Variants in ZBTB16 observed in about 807,000 individuals in gnomAD.
ZBTB16 encodes the protein zinc finger and BTB domain containing 16.
ZBTB16 carries 8 observed loss-of-function variants against 56.8 expected under a neutral mutation model. The ratio of observed to expected loss-of-function variants is 0.14; its 90% CI spans 0.08 to 0.25. The LOEUF (loss-of-function observed/expected upper bound fraction) is 0.25. Among genes scored for constraint, ZBTB16 ranks in the 10% least tolerant of loss-of-function variants. The pLI, the probability that ZBTB16 is intolerant of heterozygous loss-of-function variation, is 1.00. For missense variants in ZBTB16, 625 were observed against 903.0 expected, an observed-to-expected ratio of 0.69 and a Z score of 3.95; for synonymous variants, 363 against 368.5, an observed-to-expected ratio of 0.98 and a Z score of 0.17.
In ZBTB16 at chr11:114,059,953, A is replaced by C. The variant is rs984242097; in HGVS notation, c.-91+71A>C. ...GCGCCGGGGCTTCCCGGGGCTGGAG[A>C]GGTCTGGGGGGCGCGCGCTCGCTTC... is the stretch of plus-strand genomic sequence containing the variant. On this transcript the variant is annotated intron_variant, in intron 1 of 6. Coordinates refer to ENST00000335953, the MANE Select transcript of ZBTB16 (RefSeq NM_006006.6). The surrounding 1 kb of genome is among the most constrained non-coding windows in gnomAD (Gnocchi z 5.3). 1.0e-5 allele frequency: 4 copies of C among 391,498 alleles called. No homozygotes were observed. The highest frequency in any genetic ancestry group is 1.4e-4 in the South Asian group (1 of 7,106). The allele number at this position is 391,498 out of a possible 1,614,324, so 24.3% of individuals were successfully genotyped here.
At chr11:114,225,592 C>G (rs1396133424) in intron 4 of ZBTB16, among the ~76,000 whole-genome samples, 1 of 152,142 alleles carries the variant, frequency 6.6e-6, no homozygotes, top group Non-Finnish European at 1.5e-5. Flanking sequence ...GGAACCCACT[C>G]CCTTGAGAAC....
chr11:114,148,416 C>CTCTCT (rs1942180424), intron 2 of ZBTB16, among the ~76,000 whole-genome samples: 1 of 46,154 alleles, frequency 2.2e-5, no homozygotes, highest in African/African-American at 1.3e-4. Flanking sequence ...TCCCTCCCTC[C>CTCTCT]CTCCCTCCCT....
chr11:114,075,274 C>G (rs1591641157), intron 2 of ZBTB16, among the ~76,000 whole-genome samples: 1 of 152,116 alleles, frequency 6.6e-6, no homozygotes, highest in Admixed American at 6.5e-5. Context: ...CCTCACCACT[C>G]ACTTCCTCAT....
intron 2 of ZBTB16, among the ~76,000 whole-genome samples, chr11:114,137,181 G>C (rs978695504): frequency 1.3e-5 from 2 of 152,198 alleles, no homozygotes; most frequent in African/African-American, 4.8e-5. Flanking sequence ...GACCTTTGGA[G>C]TACATTGTTC....
At position 114,246,056 on chromosome 11, in the gene ZBTB16, T is replaced by C. The variant is rs561364147; in HGVS notation, c.1625-1142T>C. Among the ~76,000 whole-genome samples, 3 of 152,214 alleles carry C rather than the reference T, an allele frequency of 2.0e-5. No homozygotes were observed. In the South Asian group the frequency reaches 6.2e-4, roughly 32 times the overall value. ...GATATGAAAGGCAAGATGGTTATTC[T>C]CCACACCCCAACCTCTCATGCTCTG... On this transcript the variant is annotated intron_variant, in intron 5 of 6. Transcript: ENST00000335953.
Position 114,252,224 on chromosome 11 carries a change from G to A in ZBTB16, c.*1669G>A, listed in dbSNP as rs1234064031. On this transcript the variant is annotated 3_prime_UTR_variant, in exon 7 of 7. Coordinates refer to ENST00000335953, the MANE Select transcript of ZBTB16 (RefSeq NM_006006.6). ...GTCACCTGTGGCCACCATCCGTTCC[G>A]CCTAAAACACTCTGGAGAGAATCCC... is the stretch of plus-strand genomic sequence containing the variant. 5.3e-5 allele frequency among the ~76,000 whole-genome samples: 8 copies of A among 152,078 alleles called. No individual in the cohort carries two copies. Among genetic ancestry groups the A allele is most frequent in the African/African-American group, 1.2e-4 (5 of 41,414 alleles).
chr11:114,179,682 A>G (rs946347858), intron 3 of ZBTB16, among the ~76,000 whole-genome samples: 1 of 151,850 alleles, frequency 6.6e-6, no homozygotes, highest in African/African-American at 2.4e-5. Context: ...TATTATTAGC[A>G]TGGGGGTGGG....
chr11:114,246,762 TG>T (rs1270853012), intron 5 of ZBTB16: 43 of 245,902 alleles, frequency 1.7e-4, no homozygotes, highest in Non-Finnish European at 4.1e-5. Context: ...AGAAGGTGTT[TG>T]GGGGACAATG....
intron 2 of ZBTB16, among the ~76,000 whole-genome samples, chr11:114,065,760 C>G (rs1179394476): frequency 6.6e-6 from 1 of 152,176 alleles, no homozygotes; most frequent in Non-Finnish European, 1.5e-5. Flanking sequence ...GCTCAGATGT[C>G]AAGTCTCTTT....
rs1942003441 is a variant in ZBTB16 at position 114,143,224 on chromosome 11, T to G, written c.1269-13113T>G. Among the ~76,000 whole-genome samples the G allele has an allele frequency of 1.3e-5, 2 of 152,206 alleles. No individual in the cohort carries two copies. Among genetic ancestry groups the G allele is most frequent in the African/African-American group, 4.8e-5 (2 of 41,448 alleles). ...ATCCCGATTGATTTATTACCCACTG[T>G]ACAGCCAAGATGCATCCACCCCTCA... On this transcript the variant is annotated intron_variant, in intron 2 of 6. Coordinates refer to ENST00000335953, the MANE Select transcript of ZBTB16 (RefSeq NM_006006.6). The surrounding 1 kb of genome is among the most constrained non-coding windows in gnomAD (Gnocchi z 6.4).
At chr11:114,097,174 T>C (rs1396700121) in intron 2 of ZBTB16, among the ~76,000 whole-genome samples, 1 of 152,258 alleles carries the variant, frequency 6.6e-6, no homozygotes, top group Non-Finnish European at 1.5e-5. Context: ...GAGGGCATTA[T>C]ACTAGGTGAA....
intron 3 of ZBTB16, among the ~76,000 whole-genome samples, chr11:114,174,854 A>G (rs774348519): frequency 1.3e-5 from 2 of 152,104 alleles, no homozygotes; most frequent in Non-Finnish European, 1.5e-5. Context: ...ATAGACCCCA[A>G]AGACATCCAG....
intron 4 of ZBTB16, among the ~76,000 whole-genome samples, chr11:114,224,287 T>A (rs1944290132): frequency 6.6e-6 from 1 of 152,116 alleles, no homozygotes; most frequent in Non-Finnish European, 1.5e-5. Context: ...CCGAAAACAT[T>A]TGGTAATTGA....
At position 114,247,928 on chromosome 11, in the gene ZBTB16, G is replaced by A. The variant is rs144482605; in HGVS notation, c.1792+563G>A. On this transcript the variant is annotated intron_variant, in intron 6 of 6. Coordinates refer to ENST00000335953, the MANE Select transcript of ZBTB16 (RefSeq NM_006006.6). ...ATTTTTTTTTTTTAGACGGAGTTTC[G>A]CTCTTATTGGCCAGGCCGGAGTGCA... 2.8e-3 allele frequency among the ~76,000 whole-genome samples: 426 copies of A among 149,938 alleles called. 2 individuals carry two copies. Among genetic ancestry groups the A allele is most frequent in the African/African-American group, 0.01 (407 of 40,684 alleles).
At chr11:114,197,205 G>A (rs2135091615) in intron 4 of ZBTB16, among the ~76,000 whole-genome samples, 1 of 152,312 alleles carries the variant, frequency 6.6e-6, no homozygotes, top group South Asian at 2.1e-4. Context: ...CACAGGGGAA[G>A]CCACTCAACC....
At chr11:114,129,362 G>A (rs1941601184) in intron 2 of ZBTB16, among the ~76,000 whole-genome samples, 1 of 152,216 alleles carries the variant, frequency 6.6e-6, no homozygotes, top group African/African-American at 2.4e-5. Flanking sequence ...CTTGGAGTAG[G>A]ATGGTGTCGT....
At chr11:114,240,949 C>G (rs1049616953) in intron 4 of ZBTB16, among the ~76,000 whole-genome samples, 3 of 152,172 alleles carry the variant, frequency 2.0e-5, no homozygotes, top group Non-Finnish European at 4.4e-5. Context: ...TTCCCTTTAG[C>G]CTCCTCTTCT....
chr11:114,162,487 C>T (rs1942617001), intron 3 of ZBTB16, among the ~76,000 whole-genome samples: 1 of 152,154 alleles, frequency 6.6e-6, no homozygotes, highest in African/African-American at 2.4e-5. Flanking sequence ...CTTGTCTCTC[C>T]TCCCATTCAC....
intron 5 of ZBTB16, among the ~76,000 whole-genome samples, chr11:114,245,095 A>G (rs1186659473): frequency 6.6e-6 from 1 of 152,240 alleles, no homozygotes; most frequent in Non-Finnish European, 1.5e-5. Context: ...GTGCACACAC[A>G]GACTGGCCCT....
Sources: gnomAD v4.1 joint callset for allele counts (sites outside exome capture counted in the v4.1 genomes callset) on GRCh38, gnomAD v4.1.1 for gene constraint, Gnocchi (gnomAD v3.1) non-coding constraint, MANE v1.5 for transcripts, NCBI Gene and HGNC (gene_info 2026-07-23, HGNC 2026-07-21) for gene names.